PPARGC1A: variants seen among roughly 807,000 people sequenced by gnomAD.
The protein encoded by PPARGC1A is peroxisome proliferator-activated receptor gamma coactivator 1-alpha.
PPARGC1A carries 25 observed loss-of-function variants against 88.7 expected under a neutral mutation model. The observed-to-expected ratio is 0.28, with a 90% CI of 0.21 to 0.39. PPARGC1A has a LOEUF of 0.39. Ranked by LOEUF, PPARGC1A falls within the 10% of genes least tolerant of loss-of-function variation. The probability of loss-of-function intolerance (pLI) is 1.00; values close to 1 mark genes in which losing one functional copy is unlikely to be tolerated. For missense variants in PPARGC1A, 880 were observed against 968.7 expected (o/e 0.91, Z 1.22); for synonymous variants, 363 against 355.6 (o/e 1.02, Z -0.24).
the PPARGC1A span, among the ~76,000 whole-genome samples, chr4:24,445,971 C>A: frequency 1.3e-5 from 2 of 152,020 alleles, no homozygotes; most frequent in Non-Finnish European, 2.9e-5. Context: ...GAGGGTGAGG[C>A]AGGAGAATCA....
At chr4:24,343,528 T>TTTCTGCCATTGAA in the PPARGC1A span, among the ~76,000 whole-genome samples, 1 of 152,184 alleles carries the variant, frequency 6.6e-6, no homozygotes, top group Non-Finnish European at 1.5e-5. Flanking sequence ...AGCACATTGA[T>TTTCTGCCATTGAA]CCTAGATTTC....
intron 2 of PPARGC1A, among the ~76,000 whole-genome samples, chr4:23,833,850 T>A (rs779744729): frequency 6.6e-6 from 1 of 152,182 alleles, no homozygotes; most frequent in Admixed American, 6.5e-5. Flanking sequence ...GGGTGCAACA[T>A]GGTGTGTCTG....
chr4:24,333,596 G>T, the PPARGC1A span, among the ~76,000 whole-genome samples: 1 of 152,274 alleles, frequency 6.6e-6, no homozygotes, highest in African/African-American at 2.4e-5. Flanking sequence ...TGAGCCTCTA[G>T]TCTGTGGTTT....
chr4:24,217,445 A>G, the PPARGC1A span, among the ~76,000 whole-genome samples: 19 of 152,174 alleles, frequency 1.2e-4, no homozygotes, highest in African/African-American at 4.3e-4. Flanking sequence ...TTCGGATGGA[A>G]GAGCATGAAG....
the PPARGC1A span, among the ~76,000 whole-genome samples, chr4:24,094,932 C>T: frequency 6.6e-6 from 1 of 152,096 alleles, no homozygotes. Context: ...ATTTCAAGAA[C>T]TCTAAGTCTT....
intron 10 of PPARGC1A, among the ~76,000 whole-genome samples, chr4:23,805,592 C>T (rs1467361393): frequency 6.6e-6 from 1 of 152,152 alleles, no homozygotes; most frequent in Non-Finnish European, 1.5e-5. Context: ...ACATCCCAGA[C>T]CATCGATACA....
chr4:23,888,323 T>C (rs1717258899), intron 1 of PPARGC1A, among the ~76,000 whole-genome samples: 1 of 152,232 alleles, frequency 6.6e-6, no homozygotes, highest in Non-Finnish European at 1.5e-5. Context: ...CTGATGTTTA[T>C]TTGAAAATGA....
At chr4:24,295,519 C>A in the PPARGC1A span, among the ~76,000 whole-genome samples, 1 of 151,892 alleles carries the variant, frequency 6.6e-6, no homozygotes, top group East Asian at 1.9e-4. Flanking sequence ...GCACCAGACA[C>A]TGGGGAGAAA....
chr4:23,891,468 G>A (rs934224247), upstream of PPARGC1A, among the ~76,000 whole-genome samples: 18 of 152,040 alleles, frequency 1.2e-4, no homozygotes, highest in African/African-American at 4.3e-4. Flanking sequence ...AGAAAAACAT[G>A]GTTATTTGCC....
chr4:23,999,292 A>C, the PPARGC1A span, among the ~76,000 whole-genome samples: 3 of 152,228 alleles, frequency 2.0e-5, no homozygotes, highest in African/African-American at 7.2e-5. Context: ...TCTCTCCCCC[A>C]GAGTTGCCAG....
chr4:23,935,971 T>A, the PPARGC1A span, among the ~76,000 whole-genome samples: 1 of 152,210 alleles, frequency 6.6e-6, no homozygotes, highest in Non-Finnish European at 1.5e-5. Context: ...AAATAGTTTA[T>A]GTGTTCTGTC....
chr4:24,099,335 C>T, the PPARGC1A span, among the ~76,000 whole-genome samples: 2 of 150,738 alleles, frequency 1.3e-5, no homozygotes, highest in African/African-American at 4.9e-5. Context: ...AAAAATCCCA[C>T]CTGCCATATC....
Position 23,793,537 on chromosome 4 carries a change from G to C in PPARGC1A, c.*2285C>G, listed in dbSNP as rs537178355. The C allele has an allele frequency of 6.6e-6, 1 of 152,364 alleles. No individual in the cohort carries two copies. The highest frequency in any genetic ancestry group is 2.1e-4 in the South Asian group (1 of 4,826). The allele number at this position is 152,364 out of a possible 1,614,324, so 9.4% of individuals were successfully genotyped here. On this transcript the variant is annotated 3_prime_UTR_variant, in exon 13 of 13. Coordinates refer to ENST00000264867, the MANE Select transcript of PPARGC1A (RefSeq NM_013261.5). ...TCCATCTTACAAGATCGTGTTGGGC[G>C]AGAGAAAGGAAAAGAACAATTGAGT...
the PPARGC1A span, among the ~76,000 whole-genome samples, chr4:24,216,601 T>G: frequency 0.7 from 105,672 of 152,030 alleles, 39,613 homozygotes; most frequent in Middle Eastern, 0.87. Context: ...TGTTCTTGCT[T>G]TTGATTTTCT....
At chr4:23,869,800 G>A (rs1008011321) in intron 2 of PPARGC1A, among the ~76,000 whole-genome samples, 6 of 152,214 alleles carry the variant, frequency 3.9e-5, no homozygotes, top group Middle Eastern at 3.4e-3. Context: ...GGATAAATAC[G>A]GAAAGCCATG....
chr4:24,219,719 T>A, the PPARGC1A span, among the ~76,000 whole-genome samples: 2 of 152,296 alleles, frequency 1.3e-5, no homozygotes, highest in East Asian at 3.9e-4. Context: ...GATGTTTGGA[T>A]ATTTGATGAT....
chr4:24,324,940 C>T, the PPARGC1A span, among the ~76,000 whole-genome samples: 3 of 152,166 alleles, frequency 2.0e-5, no homozygotes, highest in Non-Finnish European at 4.4e-5. Flanking sequence ...GCCTCCGCTC[C>T]TCCACCCTGT....
the PPARGC1A span, among the ~76,000 whole-genome samples, chr4:24,122,212 G>A: frequency 2.0e-5 from 3 of 152,102 alleles, no homozygotes; most frequent in Middle Eastern, 0.01. Context: ...CTGACTTCAG[G>A]CCAAGCCAGG....
the PPARGC1A span, among the ~76,000 whole-genome samples, chr4:24,210,141 A>T: frequency 9.2e-5 from 14 of 152,190 alleles, no homozygotes; most frequent in Non-Finnish European, 1.6e-4. Flanking sequence ...GACTCTGAAC[A>T]AGGTCAAAAA....
Sources: gnomAD v4.1 joint callset for allele counts (sites outside exome capture counted in the v4.1 genomes callset) on GRCh38, gnomAD v4.1.1 for gene constraint, MANE v1.5 for transcripts, NCBI Gene and HGNC (gene_info 2026-07-23, HGNC 2026-07-21) for gene names.